DOT1L: variants seen among roughly 807,000 people sequenced by gnomAD.
The protein encoded by DOT1L is histone-lysine N-methyltransferase, H3 lysine-79 specific.
A neutral mutation model predicts 153.3 loss-of-function variants in DOT1L; 33 were observed. The ratio of observed to expected loss-of-function variants is 0.22; its 90% CI spans 0.16 to 0.29. The LOEUF is 0.29. Among genes scored for constraint, DOT1L ranks in the 10% least tolerant of loss-of-function variants. The pLI is 1.00. For missense variants in DOT1L, 1,847 were observed against 2,119.9 expected, an observed-to-expected ratio of 0.87 and a Z score of 2.53; for synonymous variants, 1,135 against 965.1, an observed-to-expected ratio of 1.18 and a Z score of -3.26.
At chr19:2,186,620 G>C (rs1055491541) in intron 3 of DOT1L, among the ~76,000 whole-genome samples, 1 of 152,196 alleles carries the variant, frequency 6.6e-6, no homozygotes, top group Non-Finnish European at 1.5e-5. Context: ...CTGGCTCTCC[G>C]GCCTCACTGG....
intron 2 of DOT1L, among the ~76,000 whole-genome samples, chr19:2,183,193 C>T (rs2022324652): frequency 6.6e-6 from 1 of 152,190 alleles, no homozygotes; most frequent in Non-Finnish European, 1.5e-5. Flanking sequence ...TTTTTTGAGT[C>T]AGCGTCTGGC....
chr19:2,227,622 C>T (rs117292860), intron 27 of DOT1L: 3 of 1,146,548 alleles, frequency 2.6e-6, no homozygotes, highest in Admixed American at 6.0e-5. Flanking sequence ...GCTTGGTGCC[C>T]GCACACGCCT....
intron 27 of DOT1L, chr19:2,228,863 G>T (rs1322009592): frequency 1.0e-6 from 1 of 985,324 alleles, no homozygotes; most frequent in African/African-American, 1.7e-5. Context: ...CTGGCTGGAT[G>T]CCTCTGGTCG....
chr19:2,164,524 G>A, intron 1 of DOT1L: 1 of 297,250 alleles, frequency 3.4e-6, no homozygotes. Context: ...CGTTGCCCCC[G>A]CCGGGCTGTC....
chr19:2,194,675 C>G, intron 7 of DOT1L, 98 bp downstream of exon 7: 3 of 1,400,340 alleles, frequency 2.1e-6, no homozygotes, highest in Non-Finnish European at 3.0e-6. Context: ...TGGCACATGG[C>G]TGTTGGCACA....
chr19:2,166,571 C>T (rs1357127018), intron 1 of DOT1L, among the ~76,000 whole-genome samples: 4 of 152,014 alleles, frequency 2.6e-5, no homozygotes, highest in Admixed American at 1.3e-4. Flanking sequence ...GCCACCACGT[C>T]CGGCTAATTT....
At chr19:2,211,868 C>T (rs753097483) in intron 16 of DOT1L, 26 bp downstream of exon 16, 16 of 1,542,624 alleles carry the variant, frequency 1.0e-5, no homozygotes, top group East Asian at 4.9e-5. Context: ...CTTGGCATTC[C>T]GCCTTCCCGC....
At chr19:2,201,899 G>A (rs2240130) in intron 8 of DOT1L, among the ~76,000 whole-genome samples, 41,041 of 152,154 alleles carry the variant, frequency 0.27, 5,683 homozygotes, top group Middle Eastern at 0.38. Flanking sequence ...TCCTCCCACA[G>A]GCTGCCCACT....
rs757442864 is a variant in DOT1L at position 2,189,723 on chromosome 19, C to G, written c.201-9C>G. The G allele has an allele frequency of 1.9e-6, 3 of 1,610,022 alleles. No homozygotes were observed. The highest frequency in any genetic ancestry group is 1.3e-5 in the African/African-American group (1 of 74,932). On this transcript the variant is annotated splice_polypyrimidine_tract_variant and intron_variant, in intron 3 of 27. Transcript: ENST00000398665. ...CCGCATGACCAGGGCCTTCCCTTGC[C>G]TTTTTCAGCTTCGAGAGCATGCAGA...
intron 1 of DOT1L, 142 bp from the exon 2 acceptor site, chr19:2,180,571 C>T: frequency 1.0e-6 from 1 of 970,330 alleles, no homozygotes; most frequent in Non-Finnish European, 1.6e-6. Flanking sequence ...CTGGTGGTAC[C>T]CGCTGGGTGG....
At chr19:2,213,347 C>T (rs1394314868) in intron 16 of DOT1L, 192 bp from the exon 17 acceptor site, 5 of 552,748 alleles carry the variant, frequency 9.0e-6, no homozygotes, top group African/African-American at 7.6e-5. Flanking sequence ...TTGCAGTGAA[C>T]CTGATGCAGA....
Position 2,226,983 on chromosome 19 carries a change from G to A in DOT1L, c.4462G>A (p.Val1488Met), listed in dbSNP as rs1199426622. 6.3e-7 allele frequency: 1 copy of A among 1,591,602 alleles called. No individual in the cohort carries two copies. The highest frequency in any genetic ancestry group is 1.7e-5 in the Admixed American group (1 of 59,452). ...GTCCCTGCAGGCCAACCTCGGCTCCGTGGCCGGCTCCTCCGTGCTGCAGTC... is the reference window on the plus strand; with the variant it reads ...GTCCCTGCAGGCCAACCTCGGCTCCATGGCCGGCTCCTCCGTGCTGCAGTC... Reference protein sequence around the residue: ...PMSLQANLGSVAGSSVLQSLF... With the variant: ...PMSLQANLGSMAGSSVLQSLF... Residue 1488 changes from valine (V) to methionine (M), a missense_variant, in exon 27 of 28, where the codon GTG becomes ATG. Transcript: ENST00000398665.
chr19:2,189,268 C>T (rs1346222257), intron 3 of DOT1L, among the ~76,000 whole-genome samples: 7 of 152,186 alleles, frequency 4.6e-5, no homozygotes, highest in South Asian at 4.1e-4. Flanking sequence ...TGCACCTGCC[C>T]GGGCAGAGGC....
rs896231972 is a variant in DOT1L at position 2,197,636 on chromosome 19, G to A, written c.652-2248G>A. The stretch of plus-strand genomic sequence containing the variant: ...GTGCTCCTGGCATGGAGCTGCGTTC[G>A]TGGTCTGGATTCCGTGCAGGTTTAG... On this transcript the variant is annotated intron_variant, in intron 7 of 27. Transcript: ENST00000398665. The surrounding 1 kb of genome is among the most constrained non-coding windows in gnomAD (Gnocchi z 4.1). Among the ~76,000 whole-genome samples the A allele has an allele frequency of 3.3e-5, 5 of 152,180 alleles. No individual in the cohort carries two copies. Among genetic ancestry groups the A allele is most frequent in the African/African-American group, 7.2e-5 (3 of 41,430 alleles).
At chr19:2,195,951 C>T (rs2023000424) in intron 7 of DOT1L, among the ~76,000 whole-genome samples, 1 of 152,244 alleles carries the variant, frequency 6.6e-6, no homozygotes, top group Non-Finnish European at 1.5e-5. Context: ...GCCCACCCCT[C>T]ACTGTCTCCT....
At position 2,190,635 on chromosome 19, in the gene DOT1L, G is replaced by A. The variant is rs951439068; in HGVS notation, c.265-377G>A. Among the ~76,000 whole-genome samples, 25 of 152,098 alleles carry A rather than the reference G, an allele frequency of 1.6e-4. No individual in the cohort carries two copies. Among genetic ancestry groups the A allele is most frequent in the African/African-American group, 5.8e-4 (24 of 41,416 alleles). ...GGTGTGGTAGGCTCAGGGCTTTCAC[G>A]GGGCTCGTGGCACCTGACGGGGGTC... On this transcript the variant is annotated intron_variant, in intron 4 of 27. Transcript: ENST00000398665. This position sits in a 1 kb window ranked among gnomAD's most constrained non-coding sequence, Gnocchi z 4.8.
intron 1 of DOT1L, among the ~76,000 whole-genome samples, chr19:2,170,793 G>A (rs1182784880): frequency 6.6e-6 from 1 of 152,060 alleles, no homozygotes; most frequent in Non-Finnish European, 1.5e-5. Flanking sequence ...CGATCTGTGG[G>A]ATGCCCATGA....
At position 2,217,491 on chromosome 19, in the gene DOT1L, G is replaced by A. The variant is rs981939519; in HGVS notation, c.2545-281G>A. On this transcript the variant is annotated intron_variant, in intron 21 of 27. Coordinates refer to ENST00000398665, the MANE Select transcript of DOT1L (RefSeq NM_032482.3). The surrounding 1 kb of genome is among the most constrained non-coding windows in gnomAD (Gnocchi z 7.3). ...TTGGCAGTGATGGATGTGGGCCCTG[G>A]GAGGCTTGGTGGCCCCACGGGTGAC... is the stretch of plus-strand genomic sequence containing the variant. Among the ~76,000 whole-genome samples, 17 of 152,126 alleles carry A rather than the reference G, an allele frequency of 1.1e-4. No homozygotes were observed. The highest frequency in any genetic ancestry group is 4.1e-4 in the African/African-American group (17 of 41,422).
At position 2,193,256 on chromosome 19, in the gene DOT1L, A is replaced by G. The variant is rs577348082; in HGVS notation, c.494-433A>G. Among the ~76,000 whole-genome samples, 2 of 152,290 alleles carry G rather than the reference A, an allele frequency of 1.3e-5. No homozygotes were observed. The highest frequency in any genetic ancestry group is 1.3e-4 in the Admixed American group (2 of 15,296). On this transcript the variant is annotated intron_variant, in intron 5 of 27. Transcript: ENST00000398665. This position sits in a 1 kb window ranked among gnomAD's most constrained non-coding sequence, Gnocchi z 5.9. Reference sequence around the variant, plus strand: ...ATTGAGCCTCAGTCAGATCCTGCTCATGAGCCTTCCTGGGGTGCCATAAGA... The same window carrying G: ...ATTGAGCCTCAGTCAGATCCTGCTCGTGAGCCTTCCTGGGGTGCCATAAGA...
Sources: gnomAD v4.1 joint callset for allele counts (sites outside exome capture counted in the v4.1 genomes callset) on GRCh38, gnomAD v4.1.1 for gene constraint, Gnocchi (gnomAD v3.1) non-coding constraint, MANE v1.5 for transcripts, NCBI Gene and HGNC (gene_info 2026-07-23, HGNC 2026-07-21) for gene names.